GRID2: variants seen among roughly 807,000 people sequenced by gnomAD.
GRID2 encodes glutamate ionotropic receptor delta type subunit 2, also known as glutamate receptor ionotropic, delta-2.
Under a neutral mutation model 114.8 loss-of-function variants are expected in GRID2, and 33 were observed. The ratio of observed to expected loss-of-function variants is 0.29; its 90% CI spans 0.22 to 0.38. GRID2 has a LOEUF of 0.38. Among genes scored for constraint, GRID2 ranks in the 10% least tolerant of loss-of-function variants. The pLI, the probability that GRID2 is intolerant of heterozygous loss-of-function variation, is 1.00. For synonymous variants in GRID2, 505 were observed against 449.9 expected, an observed-to-expected ratio of 1.12 and a Z score of -1.55; for missense variants, 1,184 against 1,257.7, an observed-to-expected ratio of 0.94 and a Z score of 0.89.
intron 3 of GRID2, 105 bp downstream of exon 3, chr4:93,085,384 G>C: frequency 1.1e-6 from 1 of 879,162 alleles, no homozygotes. Context: ...GTTATTTGTG[G>C]TTTTCTTGTC....
intron 8 of GRID2, among the ~76,000 whole-genome samples, chr4:93,332,862 T>C (rs1449261859): frequency 6.6e-6 from 1 of 152,138 alleles, no homozygotes; most frequent in East Asian, 1.9e-4. Context: ...CCCCAGGTAA[T>C]TAATCACATG....
intron 1 of GRID2, among the ~76,000 whole-genome samples, chr4:92,384,480 T>TATA (rs1560598769): frequency 1.3e-4 from 7 of 54,026 alleles, no homozygotes; most frequent in South Asian, 4.5e-4. Flanking sequence ...ATATATATAT[T>TATA]ATTTATATAT....
chr4:93,788,842 A>G (rs1388752445), intron 1 of GRID2, among the ~76,000 whole-genome samples: 1 of 152,134 alleles, frequency 6.6e-6, no homozygotes, highest in East Asian at 1.9e-4. Flanking sequence ...CAGAAAACCA[A>G]CTTTTGTTTT....
chr4:93,055,278 G>C (rs928742705), intron 2 of GRID2, among the ~76,000 whole-genome samples: 2 of 151,846 alleles, frequency 1.3e-5, no homozygotes, highest in Non-Finnish European at 2.9e-5. Context: ...CCCTCTCTCT[G>C]TGGTCTAGCA....
At chr4:93,350,917 T>C (rs949171316) in intron 8 of GRID2, among the ~76,000 whole-genome samples, 2 of 152,096 alleles carry the variant, frequency 1.3e-5, no homozygotes, top group Admixed American at 1.3e-4. Context: ...CAGTTCTACA[T>C]GGCTGGGGAG....
At chr4:92,923,757 C>A (rs1442251782) in intron 2 of GRID2, among the ~76,000 whole-genome samples, 2 of 152,088 alleles carry the variant, frequency 1.3e-5, no homozygotes, top group Non-Finnish European at 1.5e-5. Flanking sequence ...ATGATCATTT[C>A]CACAGTAGCA....
At chr4:93,396,847 A>G (rs1204229715) in intron 9 of GRID2, among the ~76,000 whole-genome samples, 2 of 152,064 alleles carry the variant, frequency 1.3e-5, no homozygotes, top group African/African-American at 4.8e-5. Flanking sequence ...ACGAAGGCAT[A>G]CATTCTCCTT....
At chr4:93,205,439 A>G (rs1463087892) in intron 4 of GRID2, among the ~76,000 whole-genome samples, 3 of 152,110 alleles carry the variant, frequency 2.0e-5, no homozygotes, top group Non-Finnish European at 4.4e-5. Context: ...TAGTTTGCTG[A>G]GAATGATGGT....
At chr4:92,348,884 T>C (rs1371626752) in intron 1 of GRID2, among the ~76,000 whole-genome samples, 1 of 152,096 alleles carries the variant, frequency 6.6e-6, no homozygotes, top group Non-Finnish European at 1.5e-5. Flanking sequence ...ACAAAGAGAT[T>C]GAAGATAACT....
chr4:92,358,055 A>G (rs1200443258), intron 1 of GRID2, among the ~76,000 whole-genome samples: 1 of 151,982 alleles, frequency 6.6e-6, no homozygotes, highest in Non-Finnish European at 1.5e-5. Context: ...TTCAGACAGG[A>G]CTTAAAGTGT....
At chr4:93,105,729 A>G (rs538755032) in intron 3 of GRID2, among the ~76,000 whole-genome samples, 13 of 152,274 alleles carry the variant, frequency 8.5e-5, no homozygotes, top group Admixed American at 6.5e-4. Context: ...CTCTCTGAAG[A>G]TGCTGAGTCT....
intron 2 of GRID2, among the ~76,000 whole-genome samples, chr4:92,807,618 T>C (rs939599972): frequency 3.9e-5 from 6 of 151,938 alleles, no homozygotes; most frequent in African/African-American, 7.2e-5. Flanking sequence ...ACATGAGACA[T>C]TGGCCAATTA....
At chr4:92,672,151 T>C (rs1733105274) in intron 2 of GRID2, among the ~76,000 whole-genome samples, 1 of 152,164 alleles carries the variant, frequency 6.6e-6, no homozygotes, top group Non-Finnish European at 1.5e-5. Flanking sequence ...GAGAATCGTA[T>C]AGTATATTTC....
rs752626265 is a variant in GRID2, at chr4:92,590,266, C to T, written c.224C>T (p.Pro75Leu). The change falls in exon 2 of 16, where the codon CCT (proline) becomes CTT (leucine). Residue 75 changes from proline to leucine, a missense_variant. Around this residue, in one of 3 missense-constraint regions of GRID2, gnomAD observed 455 missense variants for 429.5 expected, o/e 1.06. Transcript: ENST00000282020. ...GTGACGTTTGTTGATGGCAACAACCCTTTCCAAGCAGTTCAAGAAGGTAAG... is the reference window on the plus strand; with the variant it reads ...GTGACGTTTGTTGATGGCAACAACCTTTTCCAAGCAGTTCAAGAAGGTAAG... ...FSVTFVDGNN[P>L]FQAVQEACEL... 13 of 1,612,778 alleles carry T rather than the reference C, an allele frequency of 8.1e-6. No homozygotes were observed. The highest frequency in any genetic ancestry group is 1.1e-5 in the Non-Finnish European group (13 of 1,179,218).
intron 12 of GRID2, among the ~76,000 whole-genome samples, chr4:93,491,384 T>C (rs1726991300): frequency 6.6e-6 from 1 of 151,918 alleles, no homozygotes; most frequent in Admixed American, 6.6e-5. Flanking sequence ...TATGGTGCAC[T>C]TATTTAATCC....
intron 2 of GRID2, among the ~76,000 whole-genome samples, chr4:92,939,964 T>G (rs1750976821): frequency 6.8e-6 from 1 of 147,340 alleles, no homozygotes; most frequent in Non-Finnish European, 1.5e-5. Context: ...TTTTGGTTAC[T>G]GTAGCCTTGT....
chr4:93,791,654 C>G (rs1466311426), intron 1 of GRID2, among the ~76,000 whole-genome samples: 1 of 152,074 alleles, frequency 6.6e-6, no homozygotes, highest in Non-Finnish European at 1.5e-5. Context: ...TGAATGTTAG[C>G]CAAAGTGGTG....
chr4:92,920,732 G>T (rs1749246745), intron 2 of GRID2, among the ~76,000 whole-genome samples: 1 of 152,190 alleles, frequency 6.6e-6, no homozygotes, highest in Non-Finnish European at 1.5e-5. Context: ...TATTCTGATG[G>T]ACTTCCCTTT....
intron 2 of GRID2, among the ~76,000 whole-genome samples, chr4:92,683,582 T>C (rs573297839): frequency 3.9e-4 from 60 of 152,132 alleles, no homozygotes; most frequent in African/African-American, 1.4e-3. Flanking sequence ...GAAGAAAATA[T>C]ACTTACATTT....
Sources: allele counts gnomAD v4.1 joint callset (sites outside exome capture counted in the v4.1 genomes callset), GRCh38; gene constraint gnomAD v4.1.1; regional missense constraint gnomAD v4.1.1; transcripts MANE v1.5; gene names NCBI Gene and HGNC (gene_info 2026-07-23, HGNC 2026-07-21).